Variants in DIP2C observed in about 807,000 individuals in gnomAD.
DIP2C encodes DIP2 acetate--CoA ligase C (putative).
Under a neutral mutation model 192.4 loss-of-function variants are expected in DIP2C, and 33 were observed. The observed-to-expected ratio is 0.17, with a 90% CI of 0.13 to 0.23. The LOEUF is 0.23. DIP2C is among the 10% of genes least tolerant of loss of function. The probability of loss-of-function intolerance (pLI) is 1.00; values close to 1 mark genes in which losing one functional copy is unlikely to be tolerated. For synonymous variants in DIP2C, 979 were observed against 864.1 expected, an observed-to-expected ratio of 1.13 and a Z score of -2.33; for missense variants, 1,537 against 2,110.1, an observed-to-expected ratio of 0.73 and a Z score of 5.32.
chr10:478,443 A>G (rs966689208), intron 2 of DIP2C, among the ~76,000 whole-genome samples: 1 of 147,496 alleles, frequency 6.8e-6, no homozygotes, highest in African/African-American at 2.6e-5. Flanking sequence ...CCCAATTCCC[A>G]TCTTTTTCTC....
chr10:483,776 G>A (rs1182435941), intron 2 of DIP2C, among the ~76,000 whole-genome samples: 2 of 152,132 alleles, frequency 1.3e-5, no homozygotes, highest in Admixed American at 1.3e-4. Flanking sequence ...AGACCCCAGT[G>A]GCCAACTGTA....
At chr10:581,610 G>A (rs1850667481) in intron 1 of DIP2C, among the ~76,000 whole-genome samples, 2 of 151,620 alleles carry the variant, frequency 1.3e-5, no homozygotes, top group Admixed American at 1.3e-4. Flanking sequence ...GAAGTAATGG[G>A]TTCCATTACC....
chr10:413,933 G>A lies in DIP2C; in HGVS notation c.1037C>T (p.Pro346Leu), dbSNP rs778988828. ...CLTTMDTNGK[P>L]LYILTYGKLW... ...ATTACCGTAAGTGAGGATGTAGAGG[G>A]GCTTCCCGTTGGTGTCCATGGTGGT... The change falls in exon 8 of 37, where the codon CCC becomes CTC. Residue 346 changes from proline (P) to leucine (L), a missense_variant. Physicochemically the swap from Pro to Leu is moderately conservative, Grantham distance 98. Coordinates refer to ENST00000280886, the MANE Select transcript of DIP2C (RefSeq NM_014974.3). The A allele has an allele frequency of 5.0e-6, 8 of 1,613,974 alleles. No individual in the cohort carries two copies. In the Admixed American group the frequency reaches 8.3e-5, roughly 17 times the overall value.
intron 2 of DIP2C, among the ~76,000 whole-genome samples, chr10:473,042 C>T (rs573184530): frequency 6.6e-6 from 1 of 151,576 alleles, no homozygotes; most frequent in East Asian, 1.9e-4. Flanking sequence ...GAACGTCCAG[C>T]TTTGCTCATT....
chr10:539,341 A>T (rs1847854568), intron 1 of DIP2C, among the ~76,000 whole-genome samples: 1 of 152,248 alleles, frequency 6.6e-6, no homozygotes, highest in Non-Finnish European at 1.5e-5. Context: ...CTAAGCATTC[A>T]GACTTTATTA....
intron 10 of DIP2C, among the ~76,000 whole-genome samples, chr10:393,141 G>A (rs761701911): frequency 2.0e-5 from 3 of 152,198 alleles, no homozygotes; most frequent in Admixed American, 6.5e-5. Flanking sequence ...GGAAACAGGT[G>A]CTACATCTCA....
chr10:494,330 A>G (rs1220287530), intron 1 of DIP2C, among the ~76,000 whole-genome samples: 1 of 152,192 alleles, frequency 6.6e-6, no homozygotes, highest in Admixed American at 6.5e-5. Flanking sequence ...CTGTGTGTTC[A>G]CACCAGAGTC....
intron 2 of DIP2C, among the ~76,000 whole-genome samples, chr10:482,842 G>T (rs547758936): frequency 3.3e-5 from 5 of 152,318 alleles, no homozygotes; most frequent in South Asian, 2.1e-4. Flanking sequence ...ACTTTGACTG[G>T]GCTTAGAGAC....
At chr10:688,064 G>A (rs549637991) in intron 1 of DIP2C, among the ~76,000 whole-genome samples, 2 of 152,316 alleles carry the variant, frequency 1.3e-5, no homozygotes, top group East Asian at 3.9e-4. Flanking sequence ...GATAACCAGG[G>A]TGGGCCTTTT....
chr10:563,943 G>A lies in DIP2C; in HGVS notation c.86-77413C>T, dbSNP rs115386385. The stretch of plus-strand genomic sequence containing the variant: ...GCTGAGGTCGCTCATTCAGGGAATC[G>A]ATGCTGAATTTGAAGAAACTGAAGA... On this transcript the variant is annotated intron_variant, in intron 1 of 36. Coordinates refer to ENST00000280886, the MANE Select transcript of DIP2C (RefSeq NM_014974.3). 9.4e-3 allele frequency among the ~76,000 whole-genome samples: 1,439 copies of A among 152,300 alleles called. 30 individuals carry two copies. Among genetic ancestry groups the A allele is most frequent in the African/African-American group, 0.033 (1,356 of 41,558 alleles).
intron 1 of DIP2C, among the ~76,000 whole-genome samples, chr10:600,158 C>T (rs1851963561): frequency 6.6e-6 from 1 of 152,146 alleles, no homozygotes; most frequent in South Asian, 2.1e-4. Context: ...TAGAAGGAAT[C>T]GTGGAAATAA....
intron 32 of DIP2C, 141 bp downstream of exon 32, chr10:309,890 C>T: frequency 1.2e-6 from 1 of 810,528 alleles, no homozygotes; most frequent in Non-Finnish European, 1.9e-6. Context: ...TGCCTAACTC[C>T]ACCACTTCAC....
At chr10:621,376 C>A (rs150341445) in intron 1 of DIP2C, among the ~76,000 whole-genome samples, 1 of 151,856 alleles carries the variant, frequency 6.6e-6, no homozygotes, top group African/African-American at 2.4e-5. Context: ...CCAATATGAG[C>A]ACACACCACC....
intron 31 of DIP2C, among the ~76,000 whole-genome samples, chr10:311,009 T>C (rs1211179668): frequency 6.6e-6 from 1 of 152,000 alleles, no homozygotes; most frequent in Non-Finnish European, 1.5e-5. Flanking sequence ...AATTTTCTTA[T>C]ATTGCTTATA....
chr10:570,670 C>G (rs11253246), intron 1 of DIP2C, among the ~76,000 whole-genome samples: 1 of 152,174 alleles, frequency 6.6e-6, no homozygotes, highest in Non-Finnish European at 1.5e-5. Context: ...CAAATTCTCA[C>G]GTATTCCTGT....
chr10:682,880 T>C (rs751297021), intron 1 of DIP2C, among the ~76,000 whole-genome samples: 2 of 152,198 alleles, frequency 1.3e-5, no homozygotes, highest in Non-Finnish European at 2.9e-5. Context: ...TCCAAGCTAT[T>C]AGCGAAACAA....
chr10:636,996 A>G lies in DIP2C; in HGVS notation c.85+52498T>C, dbSNP rs111308767. Among the ~76,000 whole-genome samples, 14 of 152,266 alleles carry G rather than the reference A, an allele frequency of 9.2e-5. No individual in the cohort carries two copies. Among genetic ancestry groups the G allele is most frequent in the African/African-American group, 3.4e-4 (14 of 41,478 alleles). On this transcript the variant is annotated intron_variant, in intron 1 of 36. Coordinates refer to ENST00000280886, the MANE Select transcript of DIP2C (RefSeq NM_014974.3). This position sits in a 1 kb window ranked among gnomAD's most constrained non-coding sequence, Gnocchi z 4.6. ...GCACCAGCACCCACATCCCCGCATC[A>G]GAAACACCTGGAGGGGCCGCGGGCA...
chr10:328,920 G>A (rs1957384634), intron 30 of DIP2C, among the ~76,000 whole-genome samples: 1 of 152,130 alleles, frequency 6.6e-6, no homozygotes, highest in South Asian at 2.1e-4. Context: ...TAAATGGAGG[G>A]AAATACTATT....
At chr10:349,272 C>A in intron 25 of DIP2C, 59 bp downstream of exon 25, 1 of 1,572,888 alleles carries the variant, frequency 6.4e-7, no homozygotes, top group Non-Finnish European at 8.6e-7. Flanking sequence ...AAGGGACCTC[C>A]TCGCACCGCG....
Sources: allele counts gnomAD v4.1 joint callset (sites outside exome capture counted in the v4.1 genomes callset), GRCh38; gene constraint gnomAD v4.1.1; non-coding constraint Gnocchi (gnomAD v3.1); transcripts MANE v1.5; gene names NCBI Gene and HGNC (gene_info 2026-07-23, HGNC 2026-07-21).